GFRA2: variants seen among roughly 807,000 people sequenced by gnomAD.
The protein encoded by GFRA2 is GDNF family receptor alpha-2.
GFRA2 carries 17 observed loss-of-function variants against 48.3 expected under a neutral mutation model. The ratio of observed to expected loss-of-function variants is 0.35; its 90% CI spans 0.24 to 0.53. The LOEUF (loss-of-function observed/expected upper bound fraction) is 0.53. Ranked by LOEUF, GFRA2 falls within the 20% of genes least tolerant of loss-of-function variation. The probability of loss-of-function intolerance (pLI) is 0.93; values close to 1 mark genes in which losing one functional copy is unlikely to be tolerated. For missense variants in GFRA2, 660 were observed against 637.3 expected (o/e 1.04, Z -0.38); for synonymous variants, 305 against 257.2 (o/e 1.19, Z -1.78).
intron 4 of GFRA2, among the ~76,000 whole-genome samples, chr8:21,749,563 G>A (rs1210911768): frequency 2.0e-5 from 3 of 151,906 alleles, no homozygotes; most frequent in Non-Finnish European, 2.9e-5. Flanking sequence ...TCTCAATACA[G>A]AGTGAGCTGG....
At chr8:21,809,388 G>GC (rs1563273624) in intron 1 of GFRA2, among the ~76,000 whole-genome samples, 1 of 152,188 alleles carries the variant, frequency 6.6e-6, no homozygotes. Context: ...GCAGTGGCGC[G>GC]ATCTCAGCTC....
chr8:21,709,858 C>A (rs1192557518), intron 4 of GFRA2, among the ~76,000 whole-genome samples: 1 of 152,222 alleles, frequency 6.6e-6, no homozygotes, highest in Non-Finnish European at 1.5e-5. Flanking sequence ...TCCAGCCCCA[C>A]ACGCTGGAGA....
intron 7 of GFRA2, among the ~76,000 whole-genome samples, chr8:21,700,623 G>A (rs1802426823): frequency 6.6e-6 from 1 of 152,172 alleles, no homozygotes; most frequent in Non-Finnish European, 1.5e-5. Context: ...CCAGGCCTCT[G>A]GTGGCTTGGG....
chr8:21,795,390 A>C (rs1028616117), intron 2 of GFRA2, among the ~76,000 whole-genome samples: 2 of 124,730 alleles, frequency 1.6e-5, no homozygotes, highest in African/African-American at 3.2e-5. Flanking sequence ...TTTTCTTTTT[A>C]TTTATTTATT....
chr8:21,784,469 AG>A (rs1807168544), intron 1 of GFRA2: 1 of 391,188 alleles, frequency 2.6e-6, no homozygotes, highest in Non-Finnish European at 5.3e-6. Flanking sequence ...AGCCACTCTC[AG>A]GCCATCCCCC....
At chr8:21,806,096 A>AAAC (rs1807860893) in intron 1 of GFRA2, among the ~76,000 whole-genome samples, 28 of 152,058 alleles carry the variant, frequency 1.8e-4, no homozygotes, top group Admixed American at 1.6e-3. Context: ...ATCTACCCTA[A>AAAC]TTATTCAAGC....
intron 4 of GFRA2, among the ~76,000 whole-genome samples, chr8:21,728,476 T>C (rs1563231887): frequency 6.6e-6 from 1 of 151,964 alleles, no homozygotes; most frequent in South Asian, 2.1e-4. Flanking sequence ...GGTTTCACCA[T>C]GTTGGCCAGG....
At chr8:21,697,817 T>G (rs929679261) in intron 7 of GFRA2, among the ~76,000 whole-genome samples, 1 of 152,060 alleles carries the variant, frequency 6.6e-6, no homozygotes, top group Non-Finnish European at 1.5e-5. Context: ...TGAGATCTGA[T>G]GGTTTTATAG....
chr8:21,777,811 G>A (rs796768494), intron 2 of GFRA2, among the ~76,000 whole-genome samples: 201 of 152,262 alleles, frequency 1.3e-3, no homozygotes, highest in African/African-American at 4.4e-3. Flanking sequence ...GTCCTGCCAC[G>A]AGCTTGCTGT....
At chr8:21,766,961 ATACAT>A (rs780195687) in intron 3 of GFRA2, among the ~76,000 whole-genome samples, 1 of 144,164 alleles carries the variant, frequency 6.9e-6, no homozygotes, top group Non-Finnish European at 1.5e-5. Context: ...ACCGACACAC[ATACAT>A]TACCTCATAC....
At chr8:21,693,451 A>C (rs1035088866) in intron 8 of GFRA2, 51 bp from the exon 9 acceptor site, 56 of 1,544,488 alleles carry the variant, frequency 3.6e-5, no homozygotes, top group Middle Eastern at 1.7e-4. Context: ...GAAAACAAAG[A>C]AAACAGTCAG....
chr8:21,798,154 G>T (rs1484323527), intron 2 of GFRA2, among the ~76,000 whole-genome samples: 1 of 152,198 alleles, frequency 6.6e-6, no homozygotes, highest in South Asian at 2.1e-4. Context: ...CTTGCCCTGG[G>T]ATGGGCCCAG....
At chr8:21,714,246 C>CATTTT (rs1554487214) in intron 4 of GFRA2, among the ~76,000 whole-genome samples, 3 of 78,400 alleles carry the variant, frequency 3.8e-5, no homozygotes, top group African/African-American at 1.6e-4. Flanking sequence ...GTCTGAAGTT[C>CATTTT]TTTTTTTTTT....
At chr8:21,768,443 G>A (rs1328411963) in intron 3 of GFRA2, among the ~76,000 whole-genome samples, 3 of 152,146 alleles carry the variant, frequency 2.0e-5, no homozygotes, top group Admixed American at 6.5e-5. Flanking sequence ...ATCACAGGGC[G>A]GCCTCGGAAG....
Position 21,693,218 on chromosome 8 carries a change from G to T in GFRA2, c.*60C>A. On this transcript the variant is annotated 3_prime_UTR_variant, in exon 9 of 9. Transcript: ENST00000524240. ...GTGTGTCTGTGTGTGTTTCCATTTC[G>T]TCAGGCGGCTGTTCTTGTCTGCGTA... The T allele has an allele frequency of 6.5e-7, 1 of 1,530,208 alleles. No homozygotes were observed. The highest frequency in any genetic ancestry group is 8.8e-7 in the Non-Finnish European group (1 of 1,130,108). 94.8% of individuals were successfully genotyped at this position (1,530,208 alleles called of 1,614,324 possible).
At chr8:21,792,028 C>T (rs1334278869), upstream of GFRA2, among the ~76,000 whole-genome samples, 6 of 152,218 alleles carry the variant, frequency 3.9e-5, no homozygotes, top group African/African-American at 1.2e-4. Context: ...GCAGCTGAGC[C>T]TCCTGCCCAC....
chr8:21,805,691 C>T (rs1307049469), intron 1 of GFRA2, among the ~76,000 whole-genome samples: 2 of 152,144 alleles, frequency 1.3e-5, no homozygotes, highest in Non-Finnish European at 2.9e-5. Flanking sequence ...CTCCTGTGGT[C>T]CTGTCCAGTG....
intron 4 of GFRA2, among the ~76,000 whole-genome samples, chr8:21,723,716 AGAGG>A (rs1475330910): frequency 1.3e-5 from 2 of 152,182 alleles, no homozygotes; most frequent in African/African-American, 4.8e-5. Flanking sequence ...TTTTGCAGCA[AGAGG>A]GAGGTCGCCA....
At chr8:21,735,152 C>T (rs750827356) in intron 4 of GFRA2, among the ~76,000 whole-genome samples, 5 of 152,208 alleles carry the variant, frequency 3.3e-5, no homozygotes, top group Middle Eastern at 3.2e-3. Context: ...GGCTGTGTCA[C>T]GGGCTCACAT....
Sources: allele counts gnomAD v4.1 joint callset (sites outside exome capture counted in the v4.1 genomes callset), GRCh38; gene constraint gnomAD v4.1.1; transcripts MANE v1.5; gene names NCBI Gene and HGNC (gene_info 2026-07-23, HGNC 2026-07-21).